RNGTT: variants seen among roughly 807,000 people sequenced by gnomAD.
RNGTT encodes the protein RNA guanylyltransferase and 5'-phosphatase.
Under a neutral mutation model 79.3 loss-of-function variants are expected in RNGTT, and 33 were observed. The ratio of observed to expected loss-of-function variants is 0.42; its 90% confidence interval spans 0.32 to 0.56. The LOEUF (loss-of-function observed/expected upper bound fraction) is 0.56, where lower values mean the gene tolerates loss of function less well. RNGTT is among the 20% of genes least tolerant of loss of function. The pLI is 0.17. For synonymous variants in RNGTT, 222 were observed against 235.9 expected (o/e 0.94, Z 0.54); for missense variants, 497 against 739.1 (o/e 0.67, Z 3.80).
intron 13 of RNGTT, among the ~76,000 whole-genome samples, chr6:88,723,012 T>C (rs1370943795): frequency 6.6e-6 from 1 of 152,240 alleles, no homozygotes; most frequent in African/African-American, 2.4e-5. Context: ...TTTACAATAG[T>C]GTATTTGTAT....
At chr6:88,855,360 G>C (rs1781809755) in intron 8 of RNGTT, among the ~76,000 whole-genome samples, 1 of 152,142 alleles carries the variant, frequency 6.6e-6, no homozygotes, top group South Asian at 2.1e-4. Flanking sequence ...TAGGTGAGGA[G>C]AAATAGGAGA....
intron 1 of RNGTT, among the ~76,000 whole-genome samples, chr6:88,942,344 T>A (rs1041301777): frequency 8.5e-5 from 13 of 152,050 alleles, no homozygotes; most frequent in South Asian, 4.2e-4. Context: ...TCTAACCAAT[T>A]TTTTTAACAT....
chr6:88,812,161 CTA>C (rs1392239363), intron 11 of RNGTT, among the ~76,000 whole-genome samples: 2 of 152,130 alleles, frequency 1.3e-5, no homozygotes. Context: ...GCCTAAACAA[CTA>C]TGTCATTCAA....
At chr6:88,946,854 CG>C (rs1273157756) in intron 1 of RNGTT, among the ~76,000 whole-genome samples, 1 of 139,958 alleles carries the variant, frequency 7.1e-6, no homozygotes, top group African/African-American at 2.7e-5. Flanking sequence ...CTGTGTTGGC[CG>C]GGCCGGTCTC....
rs538863962 is a variant in RNGTT, at chr6:88,917,633, C to T, written c.368-11193G>A. On this transcript the variant is annotated intron_variant, in intron 4 of 15. Transcript: ENST00000369485. ...TTATAGCTCTGGCCTGTAATCCCCA[C>T]CCCAGCACTTTGGGAGGCTGAGGGT... 7.2e-5 allele frequency among the ~76,000 whole-genome samples: 11 copies of T among 152,276 alleles called. No individual in the cohort carries two copies. The East Asian group carries it at 1.9e-3, about 27-fold the overall frequency.
intron 8 of RNGTT, among the ~76,000 whole-genome samples, chr6:88,873,432 T>C (rs1348957571): frequency 2.6e-5 from 4 of 152,150 alleles, no homozygotes; most frequent in Non-Finnish European, 4.4e-5. Flanking sequence ...TATGTACTAT[T>C]GACAAAAGCA....
At chr6:88,776,607 T>A (rs2127846863) in intron 12 of RNGTT, among the ~76,000 whole-genome samples, 1 of 151,356 alleles carries the variant, frequency 6.6e-6, no homozygotes, top group East Asian at 1.9e-4. Flanking sequence ...AGTGTTGAGA[T>A]TACAGGCATG....
intron 6 of RNGTT, among the ~76,000 whole-genome samples, chr6:88,899,676 A>G (rs1479053000): frequency 2.0e-5 from 3 of 152,210 alleles, no homozygotes; most frequent in African/African-American, 7.2e-5. Context: ...AAGGACTTGA[A>G]GGGCCAAAAA....
At chr6:88,744,182 T>G (rs1777584206) in intron 13 of RNGTT, among the ~76,000 whole-genome samples, 1 of 152,200 alleles carries the variant, frequency 6.6e-6, no homozygotes, top group South Asian at 2.1e-4. Flanking sequence ...AAAACAGCTT[T>G]GTCAACAACT....
chr6:88,885,057 T>C (rs1278605559), intron 8 of RNGTT, among the ~76,000 whole-genome samples: 1 of 152,010 alleles, frequency 6.6e-6, no homozygotes, highest in Non-Finnish European at 1.5e-5. Flanking sequence ...AAAAAATGTA[T>C]GCATACACAT....
intron 14 of RNGTT, among the ~76,000 whole-genome samples, chr6:88,640,473 C>G (rs1478858713): frequency 1.3e-5 from 2 of 149,832 alleles, no homozygotes; most frequent in African/African-American, 2.5e-5. Context: ...ATCTCTTGAG[C>G]CTGGGAGATA....
chr6:88,634,763 AAATAT>A (rs1246852038), intron 14 of RNGTT, among the ~76,000 whole-genome samples: 1 of 152,160 alleles, frequency 6.6e-6, no homozygotes, highest in Non-Finnish European at 1.5e-5. Flanking sequence ...GCAGAAAATA[AAATAT>A]AACTTAAAAA....
chr6:88,814,848 T>G (rs1278775643), intron 11 of RNGTT, among the ~76,000 whole-genome samples: 2 of 152,224 alleles, frequency 1.3e-5, no homozygotes, highest in African/African-American at 4.8e-5. Context: ...AATCATTTAT[T>G]TGTAAAATAA....
Position 88,711,865 on chromosome 6 carries a change from T to C in RNGTT, c.1440-33446A>G, listed in dbSNP as rs115678461. On this transcript the variant is annotated intron_variant, in intron 13 of 15. Coordinates refer to ENST00000369485, the MANE Select transcript of RNGTT (RefSeq NM_003800.5). ...GTTATAGTTGGATTGGATATCTAAA[T>C]GGCATTTATTAGAATGGAATTTATA... is the stretch of plus-strand genomic sequence containing the variant. Among the ~76,000 whole-genome samples the C allele has an allele frequency of 6.1e-3, 927 of 152,340 alleles. 10 individuals are homozygous for C. The highest frequency in any genetic ancestry group is 0.02 in the African/African-American group (851 of 41,580).
chr6:88,706,266 T>A (rs1021667632), intron 13 of RNGTT, among the ~76,000 whole-genome samples: 1 of 152,026 alleles, frequency 6.6e-6, no homozygotes, highest in Non-Finnish European at 1.5e-5. Context: ...ACTCTGTATT[T>A]GGTGGTAAAA....
intron 12 of RNGTT, among the ~76,000 whole-genome samples, chr6:88,782,580 C>A (rs546692166): frequency 3.8e-4 from 57 of 150,748 alleles, no homozygotes; most frequent in African/African-American, 1.3e-3. Context: ...ACCTTCTGCA[C>A]AGCAAAAGAA....
intron 5 of RNGTT, among the ~76,000 whole-genome samples, chr6:88,905,416 A>C (rs765573957): frequency 6.6e-6 from 1 of 152,250 alleles, no homozygotes; most frequent in Non-Finnish European, 1.5e-5. Flanking sequence ...CATTGTGGAG[A>C]GCATCTGAAT....
chr6:88,836,013 CACACACACACATATATATATAAGATTT>C, intron 11 of RNGTT, among the ~76,000 whole-genome samples: 1 of 121,854 alleles, frequency 8.2e-6, no homozygotes, highest in South Asian at 2.5e-4. Flanking sequence ...CACACACACA[CACACACACACATATATATATAAGATTT>C]ACATATATAT....
chr6:88,643,247 C>T (rs1227241136), intron 14 of RNGTT, among the ~76,000 whole-genome samples: 2 of 151,984 alleles, frequency 1.3e-5, no homozygotes, highest in East Asian at 1.9e-4. Flanking sequence ...AGCATAAATC[C>T]TATTTTATAA....
Sources: allele counts gnomAD v4.1 joint callset (sites outside exome capture counted in the v4.1 genomes callset), GRCh38; gene constraint gnomAD v4.1.1; transcripts MANE v1.5; gene names NCBI Gene and HGNC (gene_info 2026-07-23, HGNC 2026-07-21).